The following ELAPOR2 variants were observed in gnomAD, a reference collection of about 807,000 sequenced individuals.
ELAPOR2 encodes the protein endosome/lysosome-associated apoptosis and autophagy regulator family member 2.
ELAPOR2 carries 89 observed loss-of-function variants against 120.7 expected under a neutral mutation model. The ratio of observed to expected loss-of-function variants is 0.74; its 90% confidence interval spans 0.62 to 0.88. ELAPOR2 has a LOEUF of 0.88. Among genes scored for constraint, ELAPOR2 ranks in the 40% least tolerant of loss-of-function variants. ELAPOR2 has a pLI of 0.00. For synonymous variants in ELAPOR2, 444 were observed against 444.9 expected, an observed-to-expected ratio of 1.00 and a Z score of 0.03; for missense variants, 1,134 against 1,251.6, an observed-to-expected ratio of 0.91 and a Z score of 1.42.
At chr7:87,059,226 A>G in intron 1 of ELAPOR2, 99 bp downstream of exon 1, 1 of 1,231,866 alleles carries the variant, frequency 8.1e-7, no homozygotes, top group Non-Finnish European at 1.0e-6. Context: ...AGCAAAGGAA[A>G]AGGGGATGGC....
intron 1 of ELAPOR2, among the ~76,000 whole-genome samples, chr7:86,967,797 T>C (rs1791965976): frequency 6.6e-6 from 1 of 152,234 alleles, no homozygotes; most frequent in Non-Finnish European, 1.5e-5. Flanking sequence ...TCTAGATTAC[T>C]CAAGGACTCT....
At chr7:86,897,080 CA>C in intron 19 of ELAPOR2, among the ~76,000 whole-genome samples, 1 of 151,718 alleles carries the variant, frequency 6.6e-6, no homozygotes, top group Non-Finnish European at 1.5e-5. Flanking sequence ...AAAATGGAAA[CA>C]AAAAATACTT....
At chr7:86,995,059 T>C (rs1032742308) in intron 1 of ELAPOR2, among the ~76,000 whole-genome samples, 15 of 152,200 alleles carry the variant, frequency 9.9e-5, no homozygotes, top group African/African-American at 2.7e-4. Context: ...TCTCTTTTTC[T>C]TACCAGGGCT....
chr7:86,969,805 G>A (rs1000406241), intron 1 of ELAPOR2, among the ~76,000 whole-genome samples: 1 of 152,180 alleles, frequency 6.6e-6, no homozygotes, highest in African/African-American at 2.4e-5. Flanking sequence ...GTGCGGAAGA[G>A]TATACAAAAT....
intron 2 of ELAPOR2, among the ~76,000 whole-genome samples, chr7:86,957,140 A>G (rs1489585944): frequency 2.0e-5 from 3 of 152,116 alleles, no homozygotes; most frequent in Non-Finnish European, 4.4e-5. Context: ...TCATCTCCCA[A>G]TCTGATTCAT....
intron 21 of ELAPOR2, among the ~76,000 whole-genome samples, chr7:86,889,848 TC>T (rs1469315274): frequency 6.6e-6 from 1 of 151,890 alleles, no homozygotes; most frequent in African/African-American, 2.4e-5. Context: ...AGTGGAAAGG[TC>T]AACACAAGAA....
chr7:86,981,524 C>T (rs1425908837), intron 1 of ELAPOR2, among the ~76,000 whole-genome samples: 2 of 152,178 alleles, frequency 1.3e-5, no homozygotes, highest in Non-Finnish European at 2.9e-5. Context: ...ACCATGTGCT[C>T]AAACCATAAC....
intron 1 of ELAPOR2, among the ~76,000 whole-genome samples, chr7:87,045,759 A>G (rs947337417): frequency 2.6e-5 from 4 of 151,644 alleles, no homozygotes; most frequent in Non-Finnish European, 4.4e-5. Context: ...AAAGTATAAT[A>G]AAAAATAAAT....
At position 86,877,810 on chromosome 7, in the gene ELAPOR2, C is replaced by A. The variant is rs1404149433; in HGVS notation, c.*2661G>T. 6.6e-6 allele frequency: 1 copy of A among 152,082 alleles called. No homozygotes were observed. Among genetic ancestry groups the A allele is most frequent in the African/African-American group, 2.4e-5 (1 of 41,408 alleles). 9.4% of individuals were successfully genotyped at this position (152,082 alleles called of 1,614,324 possible). On this transcript the variant is annotated 3_prime_UTR_variant, in exon 22 of 22. Transcript: ENST00000450689. ...AAGAAAATAAGGACAGACATCTACA[C>A]AAAAATACTATGAAATATTTTTAAT...
At chr7:86,882,528 T>C (rs1409333082) in intron 21 of ELAPOR2, among the ~76,000 whole-genome samples, 2 of 152,194 alleles carry the variant, frequency 1.3e-5, no homozygotes, top group East Asian at 1.9e-4. Context: ...CATGGGATTG[T>C]GCTCCTATTG....
intron 1 of ELAPOR2, among the ~76,000 whole-genome samples, chr7:87,032,426 A>G (rs1287869293): frequency 6.6e-6 from 1 of 152,188 alleles, no homozygotes; most frequent in East Asian, 1.9e-4. Flanking sequence ...AAAGATGTAA[A>G]ATGACAGAAT....
At chr7:86,886,526 T>TATGG (rs1265606815) in intron 21 of ELAPOR2, among the ~76,000 whole-genome samples, 1 of 152,134 alleles carries the variant, frequency 6.6e-6, no homozygotes, top group Non-Finnish European at 1.5e-5. Flanking sequence ...TACCTCTTGA[T>TATGG]ATGGCTACCA....
intron 1 of ELAPOR2, among the ~76,000 whole-genome samples, chr7:86,970,977 A>G (rs1022446794): frequency 6.6e-6 from 1 of 151,594 alleles, no homozygotes; most frequent in Non-Finnish European, 1.5e-5. Flanking sequence ...CTGGGGATAC[A>G]GCAGTGAACA....
At chr7:86,931,068 G>A (rs1790303376) in intron 8 of ELAPOR2, among the ~76,000 whole-genome samples, 1 of 151,896 alleles carries the variant, frequency 6.6e-6, no homozygotes, top group South Asian at 2.1e-4. Context: ...CAGACTATTT[G>A]AGTTAGAATT....
At chr7:86,926,047 A>G (rs1318703300) in intron 9 of ELAPOR2, among the ~76,000 whole-genome samples, 1 of 152,046 alleles carries the variant, frequency 6.6e-6, no homozygotes, top group Non-Finnish European at 1.5e-5. Context: ...ATGAATAAAG[A>G]AAGATTTCAC....
chr7:86,890,142 T>C (rs1295254033), intron 21 of ELAPOR2, among the ~76,000 whole-genome samples: 2 of 151,862 alleles, frequency 1.3e-5, no homozygotes, highest in Admixed American at 1.3e-4. Flanking sequence ...GGTATAAAAA[T>C]GAGGTTTGGA....
At chr7:87,024,648 C>A (rs1335665821) in intron 1 of ELAPOR2, among the ~76,000 whole-genome samples, 1 of 152,094 alleles carries the variant, frequency 6.6e-6, no homozygotes, top group African/African-American at 2.4e-5. Flanking sequence ...AGTACCAGCT[C>A]CTCCTTGTAC....
chr7:87,023,108 C>T (rs1178478957), intron 1 of ELAPOR2, among the ~76,000 whole-genome samples: 2 of 152,162 alleles, frequency 1.3e-5, no homozygotes, highest in Non-Finnish European at 2.9e-5. Context: ...GTTGCCATTG[C>T]TTTTGGTGTT....
At chr7:87,015,671 C>T (rs1793843998) in intron 1 of ELAPOR2, among the ~76,000 whole-genome samples, 1 of 152,056 alleles carries the variant, frequency 6.6e-6, no homozygotes, top group Non-Finnish European at 1.5e-5. Flanking sequence ...ACCTGTAGTC[C>T]CAGCTACTCG....
Sources: gnomAD v4.1 joint callset for allele counts (sites outside exome capture counted in the v4.1 genomes callset) on GRCh38, gnomAD v4.1.1 for gene constraint, MANE v1.5 for transcripts, NCBI Gene and HGNC (gene_info 2026-07-23, HGNC 2026-07-21) for gene names.